Variants in RTEL1 observed in about 807,000 individuals in gnomAD.
RTEL1 encodes the protein regulator of telomere elongation helicase 1, also known as regulator of telomere length.
Under a neutral mutation model 162.2 loss-of-function variants are expected in RTEL1, and 86 were observed. That is an observed-to-expected ratio of 0.53 (90% CI 0.45 to 0.63). The LOEUF is 0.63. Among genes scored for constraint, RTEL1 ranks in the 30% least tolerant of loss-of-function variants. The pLI is 0.00. For synonymous variants in RTEL1, 958 were observed against 717.9 expected, an observed-to-expected ratio of 1.33 and a Z score of -5.35; for missense variants, 1,941 against 1,750.2, an observed-to-expected ratio of 1.11 and a Z score of -1.95.
intron 14 of RTEL1, among the ~76,000 whole-genome samples, chr20:63,684,574 C>T (rs897955646): frequency 6.6e-6 from 1 of 152,082 alleles, no homozygotes; most frequent in South Asian, 2.1e-4. Flanking sequence ...AGGATGGTCT[C>T]GATCTCCTGA....
Position 63,693,663 on chromosome 20 carries a change from TCCACCACCA to T in RTEL1, c.2992+413_2992+421del, listed in dbSNP as rs1568721401. 2.9e-3 allele frequency among the ~76,000 whole-genome samples: 8 copies of T among 2,712 alleles called. 1 individual carries two copies. Among genetic ancestry groups the T allele is most frequent in the South Asian group, 0.011 (1 of 90 alleles). The allele number at this position is 2,712 out of a possible 152,430, so 1.8% of individuals were successfully genotyped here. A position where few individuals can be genotyped will look rare whatever the true frequency, so the allele number is the denominator to read the frequency against. ...CACCACCTCCACCTCCACCACCACC[TCCACCACCA>T]CCACCACCACCACCACCACCACCAC... is the stretch of plus-strand genomic sequence containing the variant. On this transcript the variant is annotated intron_variant, in intron 30 of 34. Transcript: ENST00000360203.
At chr20:63,667,092 G>A (rs1337052974) in intron 7 of RTEL1, among the ~76,000 whole-genome samples, 1 of 152,078 alleles carries the variant, frequency 6.6e-6, no homozygotes. Flanking sequence ...GCCCACCTCG[G>A]CCTCCCAAAG....
intron 27 of RTEL1, among the ~76,000 whole-genome samples, chr20:63,691,490 C>T (rs1454238716): frequency 6.6e-6 from 1 of 152,142 alleles, no homozygotes; most frequent in Non-Finnish European, 1.5e-5. Context: ...CTGCCAGCCC[C>T]TCGCTGTGGT....
rs114223294 is a variant in RTEL1 at position 63,694,616 on chromosome 20, G to T, written c.3110-125G>T. On this transcript the variant is annotated intron_variant, in intron 31 of 34. Coordinates refer to ENST00000360203, the MANE Select transcript of RTEL1 (RefSeq NM_001283009.2). ...CCATCTCATGGTGGGGACTGCTCCC[G>T]GTTCTGCACCCCGCAGTTGTCCTGA... 6.3e-4 allele frequency: 757 copies of T among 1,210,402 alleles called. 6 individuals are homozygous for T. In the South Asian group the frequency reaches 0.01, roughly 17 times the overall value. 75.0% of individuals were successfully genotyped at this position (1,210,402 alleles called of 1,614,324 possible). A position where few individuals can be genotyped will look rare whatever the true frequency, so the allele number is the denominator to read the frequency against.
intron 17 of RTEL1, 78 bp downstream of exon 17, chr20:63,687,848 A>C (rs2090631849): frequency 7.0e-6 from 11 of 1,561,574 alleles, no homozygotes; most frequent in Non-Finnish European, 8.7e-6. Context: ...GGGGGTCCCC[A>C]TGAGCCGGGT....
At chr20:63,679,342 AC>A (rs2090435594) in intron 12 of RTEL1, among the ~76,000 whole-genome samples, 1 of 152,092 alleles carries the variant, frequency 6.6e-6, no homozygotes, top group East Asian at 1.9e-4. Context: ...CTCCTCGGCC[AC>A]CCTGCACCCT....
Position 63,690,979 on chromosome 20 carries a change from A to T in RTEL1, c.2556+32A>T, listed in dbSNP as rs992214319. On this transcript the variant is annotated intron_variant, in intron 27 of 34. Transcript: ENST00000360203. ...TTCCAGGGCCTTGGGATGGACACAG[A>T]CCCTCTGTCTCCTGAGGCCAACCCG... is the stretch of plus-strand genomic sequence containing the variant. 8 of 1,531,594 alleles carry T rather than the reference A, an allele frequency of 5.2e-6. No homozygotes were observed. The Admixed American group carries it at 1.4e-4, about 27-fold the overall frequency. The allele number at this position is 1,531,594 out of a possible 1,614,324, so 94.9% of individuals were successfully genotyped here. A position where few individuals can be genotyped will look rare whatever the true frequency, so the allele number is the denominator to read the frequency against.
At chr20:63,663,184 T>C (rs1378473014) in intron 6 of RTEL1, among the ~76,000 whole-genome samples, 1 of 152,238 alleles carries the variant, frequency 6.6e-6, no homozygotes, top group Non-Finnish European at 1.5e-5. Context: ...GCACCTAACC[T>C]GCTGGTGCAA....
At position 63,669,127 on chromosome 20, in the gene RTEL1, C is replaced by T. The variant is rs147645945; in HGVS notation, c.699+1574C>T. On this transcript the variant is annotated intron_variant, in intron 8 of 34. Transcript: ENST00000360203. ...CCTCCCGAGTAGCTGGGATTACAGG[C>T]GTGCGCCACCATGCCTGGCCCTTGG... Among the ~76,000 whole-genome samples the T allele has an allele frequency of 4.5e-4, 68 of 152,278 alleles. 1 individual carries two copies. Among genetic ancestry groups the T allele is most frequent in the African/African-American group, 1.5e-3 (63 of 41,560 alleles).
chr20:63,687,854 C>CAGG (rs2090632032), intron 17 of RTEL1, 83 bp from the exon 18 acceptor site: 2 of 1,565,798 alleles, frequency 1.3e-6, no homozygotes, highest in Non-Finnish European at 1.7e-6. Context: ...CCCCATGAGC[C>CAGG]GGGTGCTGGG....
At chr20:63,693,070 A>G (rs1299028736) in intron 29 of RTEL1, 67 bp downstream of exon 29, 3 of 1,609,660 alleles carry the variant, frequency 1.9e-6, no homozygotes, top group Non-Finnish European at 1.7e-6. Flanking sequence ...GGTGGGGGCC[A>G]TCTGGGTCCA....
In RTEL1 at chr20:63,694,856, C is replaced by G. The variant is rs1601196691; in HGVS notation, c.3225C>G (p.Gly1075=). ...ADARRALGSA[G]CSQLLAALTA... Reference sequence around the variant, plus strand: ...CCCGCAGGGCCCTGGGGTCCGCGGGCTGTAGCCAACTCTTGGCAGCGCTGA... The same window carrying G: ...CCCGCAGGGCCCTGGGGTCCGCGGGGTGTAGCCAACTCTTGGCAGCGCTGA... The change falls in exon 32 of 35, where the codon GGC becomes GGG. Residue 1075 remains glycine, a synonymous_variant. Transcript: ENST00000360203. The G allele has an allele frequency of 1.2e-6, 2 of 1,612,654 alleles. No individual in the cohort carries two copies. Among genetic ancestry groups the G allele is most frequent in the South Asian group, 1.1e-5 (1 of 91,090 alleles).
intron 28 of RTEL1, 121 bp from the exon 29 acceptor site, chr20:63,692,684 G>T: frequency 1.0e-6 from 1 of 960,474 alleles, no homozygotes; most frequent in Non-Finnish European, 1.6e-6. Flanking sequence ...TTCTCAGGCA[G>T]CAGCCCCACC....
chr20:63,662,497 G>A (rs1403895940), intron 4 of RTEL1, 49 bp from the exon 5 acceptor site: 1 of 1,609,092 alleles, frequency 6.2e-7, no homozygotes, highest in Non-Finnish European at 8.5e-7. Context: ...GCCACGCTGT[G>A]GGTGTTGGAG....
At chr20:63,686,126 G>T in intron 16 of RTEL1, 1 of 563,496 alleles carries the variant, frequency 1.8e-6, no homozygotes, top group Non-Finnish European at 3.2e-6. Context: ...CAGAGCCACA[G>T]CCCAGCCAGG....
At chr20:63,691,083 C>G in intron 27 of RTEL1, 136 bp downstream of exon 27, 1 of 972,170 alleles carries the variant, frequency 1.0e-6, no homozygotes. Flanking sequence ...GGCAAGCGGG[C>G]GGGGGATCCC....
At position 63,668,394 on chromosome 20, in the gene RTEL1, C is replaced by G. The variant is rs1158965266; in HGVS notation, c.699+841C>G. Among the ~76,000 whole-genome samples the G allele has an allele frequency of 6.6e-6, 1 of 152,222 alleles. No homozygotes were observed. The highest frequency in any genetic ancestry group is 1.5e-5 in the Non-Finnish European group (1 of 68,038). On this transcript the variant is annotated intron_variant, in intron 8 of 34. Transcript: ENST00000360203. This position sits in a 1 kb window ranked among gnomAD's most constrained non-coding sequence, Gnocchi z 4.3. ...TCCAGGCATAGCAAGACTGGCTTCA[C>G]TCACATGGAGCTTTGATTCTAGTGG...
intron 12 of RTEL1, among the ~76,000 whole-genome samples, chr20:63,679,530 G>T (rs1276087946): frequency 6.6e-6 from 1 of 152,060 alleles, no homozygotes; most frequent in African/African-American, 2.4e-5. Context: ...CTTTTCCTCG[G>T]TGCTGTTCTC....
intron 16 of RTEL1, chr20:63,686,075 A>G: frequency 9.8e-6 from 6 of 615,252 alleles, no homozygotes; most frequent in Non-Finnish European, 1.4e-5. Flanking sequence ...AGATGGCCTG[A>G]TGGCACCGTG....
Sources: gnomAD v4.1 joint callset for allele counts (sites outside exome capture counted in the v4.1 genomes callset) on GRCh38, gnomAD v4.1.1 for gene constraint, Gnocchi (gnomAD v3.1) non-coding constraint, MANE v1.5 for transcripts, NCBI Gene and HGNC (gene_info 2026-07-23, HGNC 2026-07-21) for gene names.